Variants in SYT14 observed in about 807,000 individuals in gnomAD.
The protein encoded by SYT14 is synaptotagmin-14.
In SYT14, 32 loss-of-function variants were observed where a neutral mutation model predicts 74.2. The ratio of observed to expected loss-of-function variants is 0.43; its 90% CI spans 0.33 to 0.58. SYT14 has a LOEUF of 0.58. SYT14 is among the 20% of genes least tolerant of loss of function. The probability of loss-of-function intolerance (pLI) is 0.05; values close to 1 mark genes in which losing one functional copy is unlikely to be tolerated. For missense variants in SYT14, 791 were observed against 981.8 expected (o/e 0.81, Z 2.60); for synonymous variants, 298 against 337.7 (o/e 0.88, Z 1.29).
At chr1:209,999,789 T>C (rs920665704) in intron 2 of SYT14, among the ~76,000 whole-genome samples, 1 of 152,108 alleles carries the variant, frequency 6.6e-6, no homozygotes, top group Non-Finnish European at 1.5e-5. Flanking sequence ...AGAGGTTGGT[T>C]AATGCATATG....
At chr1:210,025,795 C>A (rs2080399338) in intron 5 of SYT14, among the ~76,000 whole-genome samples, 1 of 152,142 alleles carries the variant, frequency 6.6e-6, no homozygotes, top group South Asian at 2.1e-4. Flanking sequence ...AGGTAAGATT[C>A]TACAGAATTT....
chr1:210,148,315 T>C (rs574951195), intron 7 of SYT14, among the ~76,000 whole-genome samples: 2 of 152,212 alleles, frequency 1.3e-5, no homozygotes, highest in Non-Finnish European at 2.9e-5. Flanking sequence ...AAGACCATCC[T>C]GGCTAACACG....
intron 2 of SYT14, among the ~76,000 whole-genome samples, chr1:209,974,699 T>C (rs942584776): frequency 6.6e-6 from 1 of 152,098 alleles, no homozygotes; most frequent in Non-Finnish European, 1.5e-5. Context: ...ATGCGGGCTC[T>C]TTTTTGGTTC....
chr1:210,070,991 G>A (rs1003213651), intron 5 of SYT14, among the ~76,000 whole-genome samples: 8 of 140,082 alleles, frequency 5.7e-5, no homozygotes, highest in Non-Finnish European at 1.1e-4. Flanking sequence ...AACATTCACT[G>A]TGAGTCTTGA....
chr1:210,054,568 G>A (rs746452700), intron 5 of SYT14, among the ~76,000 whole-genome samples: 57 of 152,120 alleles, frequency 3.7e-4, no homozygotes, highest in Non-Finnish European at 6.0e-4. Flanking sequence ...ATTGTCATAT[G>A]TAACAGTGAT....
At chr1:209,956,465 G>A (rs570664674) in intron 2 of SYT14, among the ~76,000 whole-genome samples, 41 of 152,264 alleles carry the variant, frequency 2.7e-4, no homozygotes, top group African/African-American at 9.6e-4. Context: ...CATTAAGCAG[G>A]GAGTGTGGGG....
At chr1:210,087,987 T>C (rs952521877) in intron 5 of SYT14, among the ~76,000 whole-genome samples, 2 of 152,242 alleles carry the variant, frequency 1.3e-5, no homozygotes, top group Admixed American at 1.3e-4. Flanking sequence ...CCTCTTTTTA[T>C]TCCTGGTATT....
chr1:210,123,647 G>A (rs1441471458), intron 7 of SYT14, among the ~76,000 whole-genome samples: 1 of 152,124 alleles, frequency 6.6e-6, no homozygotes, highest in Non-Finnish European at 1.5e-5. Context: ...CAGGGAAATT[G>A]CCTTATCTCC....
intron 2 of SYT14, among the ~76,000 whole-genome samples, chr1:210,000,901 C>G (rs1463105236): frequency 6.6e-6 from 1 of 152,118 alleles, no homozygotes; most frequent in Non-Finnish European, 1.5e-5. Context: ...CTTTTTAAAA[C>G]TTGTTTCTGC....
chr1:210,145,124 G>A (rs1252699938), intron 7 of SYT14, among the ~76,000 whole-genome samples: 2 of 152,268 alleles, frequency 1.3e-5, no homozygotes, highest in East Asian at 1.9e-4. Context: ...CAACTATAAC[G>A]TGTCTAGATC....
chr1:209,962,861 CT>C, intron 2 of SYT14, among the ~76,000 whole-genome samples: 1 of 152,190 alleles, frequency 6.6e-6, no homozygotes, highest in Non-Finnish European at 1.5e-5. Context: ...CTCCTTTACT[CT>C]GAAAAAGCCA....
intron 2 of SYT14, among the ~76,000 whole-genome samples, chr1:209,990,773 G>A (rs1222140522): frequency 6.6e-6 from 1 of 151,098 alleles, no homozygotes; most frequent in Non-Finnish European, 1.5e-5. Flanking sequence ...TAAAAAATTA[G>A]TAAATACAGA....
chr1:209,972,715 T>C (rs1319955947), intron 2 of SYT14, among the ~76,000 whole-genome samples: 4 of 152,196 alleles, frequency 2.6e-5, no homozygotes, highest in African/African-American at 7.2e-5. Context: ...GAACGTATGG[T>C]TGGAATGATT....
chr1:209,952,603 CT>C (rs200902462), intron 1 of SYT14, 105 bp from the exon 2 acceptor site: 21 of 964,686 alleles, frequency 2.2e-5, no homozygotes, highest in Middle Eastern at 2.1e-4. Context: ...GTTAGGGAAA[CT>C]TTTTTTGAGG....
intron 8 of SYT14, chr1:210,156,927 CAG>C (rs1352024270): frequency 1.7e-5 from 6 of 345,998 alleles, no homozygotes; most frequent in Non-Finnish European, 2.5e-5. Flanking sequence ...CTCCTGACCT[CAG>C]GTGATCCATC....
intron 7 of SYT14, among the ~76,000 whole-genome samples, chr1:210,142,567 G>A (rs1268021133): frequency 6.6e-6 from 1 of 152,142 alleles, no homozygotes; most frequent in Admixed American, 6.5e-5. Flanking sequence ...CTGGCATGGA[G>A]ATTGGTGAAC....
Position 209,996,175 on chromosome 1 carries a change from T to G in SYT14, c.-485-17458T>G, listed in dbSNP as rs550643648. Among the ~76,000 whole-genome samples, 302 of 152,034 alleles carry G rather than the reference T, an allele frequency of 2.0e-3. 1 individual carries two copies. The highest frequency in any genetic ancestry group is 7.0e-3 in the African/African-American group (291 of 41,480). ...GAGCTACAATAATCCATACAAAAGA[T>G]CAATGAAATCAAGAGTTGGTTCCTT... On this transcript the variant is annotated intron_variant, in intron 2 of 9. Transcript: ENST00000637265.
chr1:210,143,164 T>A (rs529593031), intron 7 of SYT14, among the ~76,000 whole-genome samples: 1 of 151,866 alleles, frequency 6.6e-6, no homozygotes, highest in South Asian at 2.1e-4. Context: ...TGGTTGGTCA[T>A]GTGAGATTAA....
chr1:210,137,882 T>C (rs1265493349), intron 7 of SYT14, among the ~76,000 whole-genome samples: 1 of 152,150 alleles, frequency 6.6e-6, no homozygotes, highest in Non-Finnish European at 1.5e-5. Context: ...GGTTTCACCA[T>C]GTTGGTCAAG....
Sources: gnomAD v4.1 joint callset for allele counts (sites outside exome capture counted in the v4.1 genomes callset) on GRCh38, gnomAD v4.1.1 for gene constraint, MANE v1.5 for transcripts, NCBI Gene and HGNC (gene_info 2026-07-23, HGNC 2026-07-21) for gene names.